Variants in SLC13A4 observed in about 807,000 individuals in gnomAD.
The protein encoded by SLC13A4 is Na(+)/sulfate cotransporter SUT-1.
In SLC13A4, 28 loss-of-function variants were observed where a neutral mutation model predicts 72.7. That is an observed-to-expected ratio of 0.39 (90% CI 0.29 to 0.53). SLC13A4 has a LOEUF of 0.53. Among genes scored for constraint, SLC13A4 ranks in the 20% least tolerant of loss-of-function variants. The pLI, the probability that SLC13A4 is intolerant of heterozygous loss-of-function variation, is 0.78. For missense variants in SLC13A4, 653 were observed against 788.0 expected (o/e 0.83, Z 2.05); for synonymous variants, 312 against 325.5 (o/e 0.96, Z 0.45).
At chr7:135,692,738 G>A (rs1795819251) in intron 10 of SLC13A4, 2 of 244,810 alleles carry the variant, frequency 8.2e-6, no homozygotes, top group Non-Finnish European at 1.5e-5. Flanking sequence ...CAAACACTGT[G>A]CTGGTGGGAG....
chr7:135,695,452 G>A lies in SLC13A4; in HGVS notation c.935C>T (p.Thr312Ile), dbSNP rs1409751861. The A allele has an allele frequency of 1.2e-6, 2 of 1,614,064 alleles. No individual in the cohort carries two copies. The highest frequency in any genetic ancestry group is 2.7e-5 in the African/African-American group (2 of 74,940). ...YPAAEVVNFGTWFLFSFPISL... is the reference protein window; with the variant it reads ...YPAAEVVNFGIWFLFSFPISL... ...TATGGGGAAGCTGAAGAGGAACCAG[G>A]TGCCAAAGTTCACCACCTCTGCGGC... The change falls in exon 9 of 16, where the codon ACC (threonine) becomes ATC (isoleucine). Residue 312 changes from threonine (T) to isoleucine (I), a missense_variant. Physicochemically the swap from Thr to Ile is moderately conservative, Grantham distance 89 (BLOSUM62 -1). Transcript: ENST00000682651.
In SLC13A4 at chr7:135,718,373, T is replaced by A. The variant is rs570447881; in HGVS notation, c.228+3022A>T. Reference sequence around the variant, plus strand: ...ACTGATCCTATTCACGTGCCTTCCTTCCCTCACTGAAGATGACATTACTGA... The same window carrying A: ...ACTGATCCTATTCACGTGCCTTCCTACCCTCACTGAAGATGACATTACTGA... On this transcript the variant is annotated intron_variant, in intron 2 of 15. Transcript: ENST00000682651. Among the ~76,000 whole-genome samples the A allele has an allele frequency of 2.0e-5, 3 of 152,208 alleles. No homozygotes were observed. In the South Asian group the frequency reaches 6.2e-4, roughly 32 times the overall value.
In SLC13A4 at chr7:135,727,572, C is replaced by A; in HGVS notation, c.-76G>T. The A allele has an allele frequency of 1.3e-6, 2 of 1,489,926 alleles. No individual in the cohort carries two copies. Among genetic ancestry groups the A allele is most frequent in the Non-Finnish European group, 9.0e-7 (1 of 1,112,182 alleles). The allele number at this position is 1,489,926 out of a possible 1,614,324, so 92.3% of individuals were successfully genotyped here. On this transcript the variant is annotated 5_prime_UTR_variant, in exon 1 of 16. Coordinates refer to ENST00000682651, the MANE Select transcript of SLC13A4 (RefSeq NM_001318192.2). ...AGGCTTCCTGCCTGGGCACTGCTCT[C>A]TATCCAGAAAGACTTCTTAAACCTT... is the stretch of plus-strand genomic sequence containing the variant.
chr7:135,696,014 G>C (rs1408810395), intron 8 of SLC13A4, among the ~76,000 whole-genome samples: 2 of 152,202 alleles, frequency 1.3e-5, no homozygotes, highest in Non-Finnish European at 2.9e-5. Flanking sequence ...TCAGGGTAGA[G>C]GGGATTTGTA....
At chr7:135,717,860 G>C (rs1796461967) in intron 2 of SLC13A4, among the ~76,000 whole-genome samples, 1 of 152,062 alleles carries the variant, frequency 6.6e-6, no homozygotes, top group Non-Finnish European at 1.5e-5. Flanking sequence ...GAGGAAGCAG[G>C]AATTTGCCTC....
At chr7:135,698,334 CTT>C (rs10563133) in intron 8 of SLC13A4, among the ~76,000 whole-genome samples, 65,686 of 105,966 alleles carry the variant, frequency 0.62, 19,263 homozygotes, top group East Asian at 0.8. Context: ...TGCTGGGACT[CTT>C]TTTTTTTTTT....
chr7:135,716,453 C>T (rs563365857), intron 2 of SLC13A4, among the ~76,000 whole-genome samples: 41 of 152,282 alleles, frequency 2.7e-4, no homozygotes, highest in African/African-American at 9.1e-4. Flanking sequence ...TACAGGCATG[C>T]ACCACCATAC....
intron 13 of SLC13A4, chr7:135,689,027 A>C (rs1795710108): frequency 6.6e-6 from 1 of 152,030 alleles, no homozygotes; most frequent in African/African-American, 2.4e-5. Flanking sequence ...CTGGGACTAC[A>C]GGTACGCACC....
intron 8 of SLC13A4, 37 bp from the exon 9 acceptor site, chr7:135,695,524 G>A: frequency 6.2e-7 from 1 of 1,602,446 alleles, no homozygotes; most frequent in Non-Finnish European, 8.5e-7. Context: ...ATTAGAAAGG[G>A]AGGGTTTCCA....
chr7:135,703,787 T>G (rs1463961534), intron 5 of SLC13A4: 1 of 152,272 alleles, frequency 6.6e-6, no homozygotes, highest in Non-Finnish European at 1.5e-5. Context: ...TCAGGCTCTG[T>G]CAGGGAAGGA....
chr7:135,723,911 G>GA (rs917792073), intron 1 of SLC13A4, among the ~76,000 whole-genome samples: 3 of 150,480 alleles, frequency 2.0e-5, no homozygotes, highest in Non-Finnish European at 3.0e-5. Flanking sequence ...ACCAATGGTG[G>GA]AAAAAAAAAG....
intron 13 of SLC13A4, among the ~76,000 whole-genome samples, chr7:135,690,081 T>A (rs1435496101): frequency 2.0e-5 from 3 of 147,152 alleles, no homozygotes; most frequent in Non-Finnish European, 4.4e-5. Context: ...TTTGGGAGGC[T>A]GAGGCATGAG....
intron 13 of SLC13A4, among the ~76,000 whole-genome samples, chr7:135,688,325 C>T (rs945475615): frequency 6.6e-5 from 10 of 151,898 alleles, no homozygotes; most frequent in African/African-American, 2.4e-4. Context: ...GGCACGATCT[C>T]GGCTCACTGC....
In SLC13A4 at chr7:135,727,820, T is replaced by C. The variant is rs3800769; in HGVS notation, c.-324A>G. 0.45 allele frequency: 129,191 copies of C among 287,670 alleles called. 29,431 individuals carry two copies. The highest frequency in any genetic ancestry group is 0.47 in the African/African-American group (21,893 of 46,264). 17.8% of individuals were successfully genotyped at this position (287,670 alleles called of 1,614,324 possible). A position where few individuals can be genotyped will look rare whatever the true frequency, so the allele number is the denominator to read the frequency against. ...TAATAGAGTAACTTCATTCTAGGTG[T>C]CAGCAGAAACCCCCTTAATCCTTTA... On this transcript the variant is annotated 5_prime_UTR_variant, in exon 1 of 16. Transcript: ENST00000682651.
chr7:135,683,769 A>G, intron 15 of SLC13A4: 1 of 985,348 alleles, frequency 1.0e-6, no homozygotes, highest in South Asian at 4.7e-5. Context: ...CTGTGAATAA[A>G]CCAGTAGCTT....
Position 135,706,218 on chromosome 7 carries a change from T to G in SLC13A4, c.448A>C (p.Ile150Leu), listed in dbSNP as rs762530217. 8 of 1,613,958 alleles carry G rather than the reference T, an allele frequency of 5.0e-6. No homozygotes were observed. In the Admixed American group the frequency reaches 1.3e-4, roughly 27 times the overall value. The change falls in exon 4 of 16, where the codon ATC (isoleucine) becomes CTC (leucine). Residue 150 changes from isoleucine (I) to leucine (L), a missense_variant. Ile to Leu is a conservative substitution (Grantham distance 5, BLOSUM62 2). Transcript: ENST00000682651. ...NTSTTAMVMP[I>L]VEAVLQELVS... ...AGCTCCTGCAGCACGGCCTCCACGATGGGCATCACCATGGCGGTGGTGGAG... is the reference window on the plus strand; with the variant it reads ...AGCTCCTGCAGCACGGCCTCCACGAGGGGCATCACCATGGCGGTGGTGGAG...
At chr7:135,711,757 T>A (rs1796307592) in intron 2 of SLC13A4, among the ~76,000 whole-genome samples, 1 of 151,840 alleles carries the variant, frequency 6.6e-6, no homozygotes, top group African/African-American at 2.4e-5. Context: ...CGTGTTTTTG[T>A]TTTTGTTTTT....
chr7:135,726,690 A>C (rs1373834473), intron 1 of SLC13A4, among the ~76,000 whole-genome samples: 1 of 152,144 alleles, frequency 6.6e-6, no homozygotes. Flanking sequence ...CACGGGCTAG[A>C]GTTTGGGGGC....
At position 135,727,685 on chromosome 7, in the gene SLC13A4, T is replaced by C; in HGVS notation, c.-189A>G. 1.6e-6 allele frequency: 1 copy of C among 613,208 alleles called. No homozygotes were observed. Among genetic ancestry groups the C allele is most frequent in the Non-Finnish European group, 2.7e-6 (1 of 372,510 alleles). The allele number at this position is 613,208 out of a possible 1,614,324, so 38.0% of individuals were successfully genotyped here. ...CTGTTTCTACAAGAGGCTGGGCTCC[T>C]GGCCTCCTGCTTTAGGTGGGATTGA... On this transcript the variant is annotated 5_prime_UTR_variant, in exon 1 of 16. Transcript: ENST00000682651.
Sources: allele counts gnomAD v4.1 joint callset (sites outside exome capture counted in the v4.1 genomes callset), GRCh38; gene constraint gnomAD v4.1.1; transcripts MANE v1.5; gene names NCBI Gene and HGNC (gene_info 2026-07-23, HGNC 2026-07-21).